Variants in MAGI1 observed in about 807,000 individuals in gnomAD.
The protein encoded by MAGI1 is membrane associated guanylate kinase, WW and PDZ domain containing 1.
MAGI1 carries 58 observed loss-of-function variants against 139.9 expected under a neutral mutation model. The observed-to-expected ratio is 0.41, with a 90% CI of 0.34 to 0.52. The LOEUF is 0.52. Among genes scored for constraint, MAGI1 ranks in the 20% least tolerant of loss-of-function variants. The pLI, the probability that MAGI1 is intolerant of heterozygous loss-of-function variation, is 0.12. For synonymous variants in MAGI1, 812 were observed against 737.9 expected (o/e 1.10, Z -1.63); for missense variants, 1,874 against 1,901.6 (o/e 0.99, Z 0.27).
rs1249885441 is a variant in MAGI1, at chr3:65,510,256, TC to T, written c.431-16626del. On this transcript the variant is annotated intron_variant, in intron 2 of 22. Transcript: ENST00000402939. ...GTAAAACGCAGAGCGCCTCTCCTCC[TC>T]CAAAGGAACGCAGTTCCTCACCAGC... Among the ~76,000 whole-genome samples, 10 of 152,256 alleles carry T rather than the reference TC, an allele frequency of 6.6e-5. No homozygotes were observed. In the East Asian group the frequency reaches 1.7e-3, roughly 26 times the overall value.
At chr3:65,779,688 C>T (rs570544716) in intron 1 of MAGI1, among the ~76,000 whole-genome samples, 5 of 152,328 alleles carry the variant, frequency 3.3e-5, no homozygotes, top group African/African-American at 1.2e-4. Context: ...CAACACAAGG[C>T]TTCTTTTAAA....
intron 1 of MAGI1, among the ~76,000 whole-genome samples, chr3:65,644,649 G>C (rs926902522): frequency 6.6e-6 from 1 of 151,986 alleles, no homozygotes; most frequent in African/African-American, 2.4e-5. Context: ...TGATAGGCTC[G>C]ACAAGAAAAT....
intron 2 of MAGI1, among the ~76,000 whole-genome samples, chr3:65,578,217 A>G (rs1297789122): frequency 6.6e-6 from 1 of 152,142 alleles, no homozygotes; most frequent in African/African-American, 2.4e-5. Flanking sequence ...CTTCCCATAA[A>G]TTCACAGTTT....
Position 65,363,573 on chromosome 3 carries a change from T to C in MAGI1, c.3387A>G (p.Gly1129=). The change falls in exon 21 of 23, where the codon GGA becomes GGG. Residue 1129 remains glycine, a synonymous_variant. Coordinates refer to ENST00000402939, the MANE Select transcript of MAGI1 (RefSeq NM_001033057.2). The stretch of plus-strand genomic sequence containing the variant: ...GAAGGCTAAAGCCAAATCCCTTGGC[T>C]CCTCTTTCCAGTTCCACAGTGTAAA... ...QDFYTVELER[G]AKGFGFSLRG... 6.2e-7 allele frequency: 1 copy of C among 1,614,058 alleles called. No homozygotes were observed. Among genetic ancestry groups the C allele is most frequent in the Non-Finnish European group, 8.5e-7 (1 of 1,179,930 alleles).
intron 1 of MAGI1, 61 bp from the exon 2 acceptor site, chr3:65,622,149 A>G (rs1310556391): frequency 8.5e-7 from 1 of 1,169,996 alleles, no homozygotes; most frequent in African/African-American, 1.5e-5. Context: ...GAAAAGAAGT[A>G]GCCAAGAACT....
chr3:65,598,945 C>T (rs114578186), intron 2 of MAGI1, among the ~76,000 whole-genome samples: 85 of 152,286 alleles, frequency 5.6e-4, no homozygotes, highest in African/African-American at 2.0e-3. Context: ...TGAAGCTACA[C>T]CTTGTAGCAA....
chr3:65,678,716 C>G (rs1389924014), intron 1 of MAGI1, among the ~76,000 whole-genome samples: 1 of 152,182 alleles, frequency 6.6e-6, no homozygotes, highest in Non-Finnish European at 1.5e-5. Context: ...TGCTCATCAG[C>G]ACTGCTCTTT....
At chr3:65,905,482 C>T (rs2061401196) in intron 1 of MAGI1, among the ~76,000 whole-genome samples, 2 of 149,730 alleles carry the variant, frequency 1.3e-5, no homozygotes, top group African/African-American at 5.0e-5. Context: ...CAGAGTAAGA[C>T]CTTGCCTTAA....
At chr3:65,934,339 C>A (rs2062947190) in intron 1 of MAGI1, among the ~76,000 whole-genome samples, 2 of 151,338 alleles carry the variant, frequency 1.3e-5, no homozygotes, top group Admixed American at 1.3e-4. Context: ...TCCAGGGATC[C>A]TCCTGTCTCA....
At chr3:65,703,917 G>C (rs73832924) in intron 1 of MAGI1, among the ~76,000 whole-genome samples, 1,807 of 152,286 alleles carry the variant, frequency 0.012, 35 homozygotes, top group African/African-American at 0.042. Context: ...GGATTTCTTA[G>C]ACATGCATGG....
At chr3:65,856,210 T>C (rs966914142) in intron 1 of MAGI1, among the ~76,000 whole-genome samples, 2 of 152,054 alleles carry the variant, frequency 1.3e-5, no homozygotes, top group Non-Finnish European at 2.9e-5. Context: ...AAGGTCTAGG[T>C]AGGGTGTCCA....
At chr3:65,799,050 G>A (rs960350549) in intron 1 of MAGI1, among the ~76,000 whole-genome samples, 3 of 152,140 alleles carry the variant, frequency 2.0e-5, no homozygotes, top group Admixed American at 6.5e-5. Context: ...AAGTCAAACA[G>A]CCAAAAGGGA....
At chr3:65,873,283 C>T (rs1343800779) in intron 1 of MAGI1, 2 of 152,214 alleles carry the variant, frequency 1.3e-5, no homozygotes, top group African/African-American at 4.8e-5. Flanking sequence ...ACATCTGCTG[C>T]TCTCTGGACC....
intron 1 of MAGI1, among the ~76,000 whole-genome samples, chr3:65,713,240 C>T (rs958223466): frequency 1.4e-4 from 22 of 152,104 alleles, no homozygotes; most frequent in Non-Finnish European, 3.1e-4. Context: ...CTCTCCCTGC[C>T]ATACCAGCCT....
chr3:65,941,022 T>A (rs2063288757), intron 1 of MAGI1, among the ~76,000 whole-genome samples: 1 of 152,148 alleles, frequency 6.6e-6, no homozygotes, highest in African/African-American at 2.4e-5. Flanking sequence ...AAAAAAACTA[T>A]AAATGGAACC....
At chr3:65,451,185 A>G (rs909845396) in intron 6 of MAGI1, among the ~76,000 whole-genome samples, 6 of 152,206 alleles carry the variant, frequency 3.9e-5, no homozygotes, top group African/African-American at 1.4e-4. Context: ...ATTCCATTCA[A>G]TACTTTCACT....
At position 65,421,106 on chromosome 3, in the gene MAGI1, C is replaced by A. The variant is rs1946605844; in HGVS notation, c.2167+8414G>T. ...ATGAAAGACAGAATCAAAATAGAAA[C>A]ATTTTTATATTTATCTCATCTCTTG... On this transcript the variant is annotated intron_variant, in intron 12 of 22. Coordinates refer to ENST00000402939, the MANE Select transcript of MAGI1 (RefSeq NM_001033057.2). Among the ~76,000 whole-genome samples the A allele has an allele frequency of 2.0e-5, 3 of 152,122 alleles. No individual in the cohort carries two copies. In the South Asian group the frequency reaches 6.2e-4, roughly 32 times the overall value.
chr3:66,033,544 C>A (rs537979160), intron 1 of MAGI1, among the ~76,000 whole-genome samples: 3 of 152,162 alleles, frequency 2.0e-5, no homozygotes, highest in East Asian at 3.9e-4. Context: ...AAGACAAGGC[C>A]CTGTGTTTTA....
At chr3:65,701,889 T>G (rs1248013731) in intron 1 of MAGI1, among the ~76,000 whole-genome samples, 11 of 152,254 alleles carry the variant, frequency 7.2e-5, no homozygotes. Context: ...GATAAAATTT[T>G]AATTTGAACA....
Sources: gnomAD v4.1 joint callset for allele counts (sites outside exome capture counted in the v4.1 genomes callset) on GRCh38, gnomAD v4.1.1 for gene constraint, MANE v1.5 for transcripts, NCBI Gene and HGNC (gene_info 2026-07-23, HGNC 2026-07-21) for gene names.